NWD2: variants seen among roughly 807,000 people sequenced by gnomAD.
The protein encoded by NWD2 is NACHT and WD repeat domain-containing protein 2.
A neutral mutation model predicts 132.7 loss-of-function variants in NWD2; 37 were observed. That is an observed-to-expected ratio of 0.28 (90% confidence interval 0.21 to 0.37). The LOEUF is 0.37. NWD2 is among the 10% of genes least tolerant of loss of function. The pLI, the probability that NWD2 is intolerant of heterozygous loss-of-function variation, is 1.00. For missense variants in NWD2, 1,592 were observed against 2,122.4 expected, an observed-to-expected ratio of 0.75 and a Z score of 4.91; for synonymous variants, 705 against 803.0, an observed-to-expected ratio of 0.88 and a Z score of 2.06.
Position 37,447,349 on chromosome 4 carries a change from T to C in NWD2, c.*132T>C, listed in dbSNP as rs1712667558. On this transcript the variant is annotated 3_prime_UTR_variant, in exon 7 of 7. Transcript: ENST00000309447. ...GGAATTCCAGTGTTTTATTAAGATG[T>C]TCATGAAATGGACAAATAGGTTAGT... The C allele has an allele frequency of 1.4e-6, 1 of 717,104 alleles. No homozygotes were observed. Among genetic ancestry groups the C allele is most frequent in the Non-Finnish European group, 2.3e-6 (1 of 441,356 alleles). The allele number at this position is 717,104 out of a possible 1,614,324, so 44.4% of individuals were successfully genotyped here. A position where few individuals can be genotyped will look rare whatever the true frequency, so the allele number is the denominator to read the frequency against.
At chr4:37,351,695 T>C (rs1455577923) in intron 2 of NWD2, among the ~76,000 whole-genome samples, 1 of 152,218 alleles carries the variant, frequency 6.6e-6, no homozygotes, top group Non-Finnish European at 1.5e-5. Flanking sequence ...GCTCTGATCT[T>C]AGTTATTTCT....
chr4:37,280,346 A>T (rs1718103862), intron 1 of NWD2, among the ~76,000 whole-genome samples: 1 of 152,162 alleles, frequency 6.6e-6, no homozygotes, highest in Admixed American at 6.6e-5. Flanking sequence ...CTGGCAGCTC[A>T]GGTTACAAGG....
At chr4:37,270,302 T>G (rs1717842171) in intron 1 of NWD2, among the ~76,000 whole-genome samples, 1 of 151,850 alleles carries the variant, frequency 6.6e-6, no homozygotes, top group African/African-American at 2.4e-5. Context: ...TATTTAAAAA[T>G]TAATTTTTGA....
chr4:37,272,689 A>G (rs1481564652), intron 1 of NWD2, among the ~76,000 whole-genome samples: 3 of 151,746 alleles, frequency 2.0e-5, no homozygotes, highest in Non-Finnish European at 4.4e-5. Flanking sequence ...TGATATAAAT[A>G]TTATTTATTA....
intron 1 of NWD2, among the ~76,000 whole-genome samples, chr4:37,290,226 A>T (rs1187427995): frequency 1.3e-5 from 2 of 152,230 alleles, no homozygotes; most frequent in Non-Finnish European, 2.9e-5. Context: ...AAACATAGAC[A>T]ATACCAAGAT....
chr4:37,337,513 T>G (rs1719433909), intron 2 of NWD2, among the ~76,000 whole-genome samples: 1 of 152,128 alleles, frequency 6.6e-6, no homozygotes. Flanking sequence ...AGGATAACAA[T>G]TGGATGCCAC....
chr4:37,314,938 A>T (rs944333925), intron 1 of NWD2, among the ~76,000 whole-genome samples: 3 of 152,118 alleles, frequency 2.0e-5, no homozygotes, highest in Non-Finnish European at 4.4e-5. Context: ...TCCATTTGAT[A>T]GCTTTTAGCG....
intron 2 of NWD2, among the ~76,000 whole-genome samples, chr4:37,330,272 C>T (rs921137250): frequency 6.6e-6 from 1 of 152,072 alleles, no homozygotes; most frequent in African/African-American, 2.4e-5. Flanking sequence ...GAGATGGAAA[C>T]AGTTCACTGG....
At chr4:37,420,781 G>A (rs541362247) in intron 3 of NWD2, among the ~76,000 whole-genome samples, 1 of 152,182 alleles carries the variant, frequency 6.6e-6, no homozygotes, top group Non-Finnish European at 1.5e-5. Context: ...TGGGACTGGG[G>A]CAGGGGCGGT....
intron 3 of NWD2, among the ~76,000 whole-genome samples, chr4:37,377,829 GTTTAA>G (rs1335902672): frequency 6.6e-6 from 1 of 152,022 alleles, no homozygotes; most frequent in African/African-American, 2.4e-5. Flanking sequence ...AAAAGTATAT[GTTTAA>G]TTTAAATGTA....
At chr4:37,441,071 T>C (rs1420764986) in intron 6 of NWD2, among the ~76,000 whole-genome samples, 1 of 152,220 alleles carries the variant, frequency 6.6e-6, no homozygotes, top group African/African-American at 2.4e-5. Context: ...ATAGGTGAAA[T>C]CAGGTATATT....
intron 3 of NWD2, among the ~76,000 whole-genome samples, chr4:37,364,705 C>T (rs1158695036): frequency 6.6e-6 from 1 of 151,666 alleles, no homozygotes; most frequent in Non-Finnish European, 1.5e-5. Flanking sequence ...CACACACACA[C>T]ACACACACAC....
intron 1 of NWD2, among the ~76,000 whole-genome samples, chr4:37,269,605 T>C (rs941514869): frequency 5.3e-5 from 8 of 151,920 alleles, no homozygotes; most frequent in Non-Finnish European, 7.4e-5. Flanking sequence ...CATAGGTACC[T>C]TTTACATTGG....
At chr4:37,432,039 A>T (rs1712194721) in intron 4 of NWD2, among the ~76,000 whole-genome samples, 1 of 152,034 alleles carries the variant, frequency 6.6e-6, no homozygotes, top group Non-Finnish European at 1.5e-5. Context: ...CCAGTTTTCT[A>T]TAATGTGTCT....
intron 2 of NWD2, among the ~76,000 whole-genome samples, chr4:37,334,838 A>G (rs180767794): frequency 6.6e-6 from 1 of 151,894 alleles, no homozygotes; most frequent in Non-Finnish European, 1.5e-5. Flanking sequence ...AAGTTCATAA[A>G]CCTCCTTTTT....
At chr4:37,410,173 C>T (rs187107656) in intron 3 of NWD2, among the ~76,000 whole-genome samples, 6 of 152,162 alleles carry the variant, frequency 3.9e-5, no homozygotes, top group Admixed American at 6.6e-5. Flanking sequence ...TAAAGGTAAA[C>T]GAGCTAAATG....
At chr4:37,351,463 G>T (rs532438785) in intron 2 of NWD2, among the ~76,000 whole-genome samples, 74 of 152,244 alleles carry the variant, frequency 4.9e-4, no homozygotes, top group African/African-American at 1.8e-3. Context: ...TAATTTATTT[G>T]CAAAGAGGTG....
At chr4:37,388,702 A>G (rs1720621485) in intron 3 of NWD2, among the ~76,000 whole-genome samples, 1 of 147,528 alleles carries the variant, frequency 6.8e-6, no homozygotes, top group Admixed American at 6.8e-5. Flanking sequence ...ATATAAATAT[A>G]TGATATATAA....
At chr4:37,344,319 A>G (rs917530935) in intron 2 of NWD2, among the ~76,000 whole-genome samples, 8 of 152,100 alleles carry the variant, frequency 5.3e-5, no homozygotes, top group Non-Finnish European at 5.9e-5. Flanking sequence ...TATTTCGTCA[A>G]TGTCTTCCCT....
Sources: gnomAD v4.1 joint callset for allele counts (sites outside exome capture counted in the v4.1 genomes callset) on GRCh38, gnomAD v4.1.1 for gene constraint, MANE v1.5 for transcripts, NCBI Gene and HGNC (gene_info 2026-07-23, HGNC 2026-07-21) for gene names.